Variants in CCDC144A observed in about 807,000 individuals in gnomAD.
CCDC144A encodes the protein coiled-coil domain-containing protein 144A.
A neutral mutation model predicts 143.8 loss-of-function variants in CCDC144A; 41 were observed. The observed-to-expected ratio is 0.29, with a 90% CI of 0.22 to 0.37. The LOEUF is 0.37. Ranked by LOEUF, CCDC144A falls within the 10% of genes least tolerant of loss-of-function variation. The probability of loss-of-function intolerance (pLI) is 1.00; values close to 1 mark genes in which losing one functional copy is unlikely to be tolerated. For missense variants in CCDC144A, 637 were observed against 1,488.8 expected, an observed-to-expected ratio of 0.43 and a Z score of 9.41; for synonymous variants, 242 against 517.9, an observed-to-expected ratio of 0.47 and a Z score of 7.23.
rs564800936 is a variant in CCDC144A, at chr17:16,768,074, G to C, written c.4098+3899G>C. On this transcript the variant is annotated intron_variant, in intron 15 of 16. Transcript: ENST00000399273. ...TTCTAAGCTATATATCTACATGTAA[G>C]TGTGCATTCGTCTATAGACATAAGT... Among the ~76,000 whole-genome samples the C allele has an allele frequency of 7.6e-4, 116 of 152,382 alleles. 1 individual carries two copies. Among genetic ancestry groups the C allele is most frequent in the African/African-American group, 2.7e-3 (112 of 41,584 alleles).
intron 15 of CCDC144A, among the ~76,000 whole-genome samples, chr17:16,769,445 G>T (rs1188499176): frequency 2.0e-5 from 3 of 152,258 alleles, no homozygotes; most frequent in Non-Finnish European, 2.9e-5. Flanking sequence ...TTGGACAGGC[G>T]TATGGTAGAT....
intron 15 of CCDC144A, among the ~76,000 whole-genome samples, chr17:16,768,842 A>G (rs905237872): frequency 3.3e-5 from 5 of 151,396 alleles, no homozygotes; most frequent in Admixed American, 2.0e-4. Context: ...GTAGTTGTGA[A>G]GAATGTATGG....
the CCDC144A span, among the ~76,000 whole-genome samples, chr17:16,678,848 G>A: frequency 1.4e-5 from 2 of 148,012 alleles, no homozygotes; most frequent in African/African-American, 5.0e-5. Context: ...TCTGCCTTCC[G>A]GGTTCAAGCA....
chr17:16,737,458 G>A (rs1567600729), intron 12 of CCDC144A: 11 of 1,262,578 alleles, frequency 8.7e-6, no homozygotes, highest in Non-Finnish European at 1.1e-5. Flanking sequence ...GAGCCACCGC[G>A]CCCGGCCAGA....
intron 12 of CCDC144A, among the ~76,000 whole-genome samples, chr17:16,739,358 C>T (rs1244440457): frequency 3.0e-5 from 4 of 134,606 alleles, no homozygotes; most frequent in Non-Finnish European, 4.7e-5. Context: ...CCTCCCACCT[C>T]GGCCTCCCAA....
At chr17:16,729,629 C>T (rs1913619744) in intron 9 of CCDC144A, among the ~76,000 whole-genome samples, 1 of 151,786 alleles carries the variant, frequency 6.6e-6, no homozygotes, top group Admixed American at 6.6e-5. Context: ...GATCTCGGCT[C>T]ATGGCTACCT....
At chr17:16,773,476 A>G in intron 16 of CCDC144A, 21 bp from the exon 17 acceptor site, 3 of 1,536,852 alleles carry the variant, frequency 2.0e-6, no homozygotes, top group Non-Finnish European at 2.6e-6. Context: ...ATAATAATAT[A>G]ATTCTTGCTT....
At chr17:16,686,747 AACAC>A (rs142329474), upstream of CCDC144A, among the ~76,000 whole-genome samples, 17,182 of 140,352 alleles carry the variant, frequency 0.12, 1,083 homozygotes, top group South Asian at 0.24. Flanking sequence ...CACACACACA[AACAC>A]ACACACACAC....
chr17:16,751,828 G>GT (rs1212836229), intron 12 of CCDC144A, among the ~76,000 whole-genome samples: 1 of 152,262 alleles, frequency 6.6e-6, no homozygotes, highest in Non-Finnish European at 1.5e-5. Flanking sequence ...GCAGCCCAGG[G>GT]TTTTTTGCCC....
chr17:16,726,400 G>GAA (rs1242106841), intron 8 of CCDC144A, among the ~76,000 whole-genome samples: 5 of 141,360 alleles, frequency 3.5e-5, no homozygotes, highest in African/African-American at 1.2e-4. Flanking sequence ...AAAAAAGAGA[G>GAA]ATAAAAAAAA....
At chr17:16,699,469 G>A (rs1439855943) in intron 2 of CCDC144A, among the ~76,000 whole-genome samples, 11 of 117,186 alleles carry the variant, frequency 9.4e-5, no homozygotes, top group South Asian at 6.2e-4. Flanking sequence ...TCCGCCTCCC[G>A]GGTTCACACC....
intron 16 of CCDC144A, chr17:16,772,824 A>C (rs1418365495): frequency 8.0e-7 from 1 of 1,244,294 alleles, no homozygotes; most frequent in Non-Finnish European, 1.1e-6. Context: ...GGTATCTATG[A>C]CTTGGTATGG....
chr17:16,686,175 G>C (rs1910776558), upstream of CCDC144A, among the ~76,000 whole-genome samples: 1 of 149,182 alleles, frequency 6.7e-6, no homozygotes, highest in African/African-American at 2.5e-5. Context: ...AGCTCACTCA[G>C]GGGTGAGCCA....
intron 12 of CCDC144A, among the ~76,000 whole-genome samples, chr17:16,747,219 G>T (rs60945022): frequency 0.18 from 26,836 of 151,550 alleles, 3,743 homozygotes; most frequent in African/African-American, 0.39. Flanking sequence ...ATGGTTGTAG[G>T]CATGTGGCTT....
chr17:16,683,524 TGAG>T, the CCDC144A span: 1 of 1,528,480 alleles, frequency 6.5e-7, no homozygotes, highest in Non-Finnish European at 9.1e-7. Context: ...TTCTATGCCG[TGAG>T]GAGGGGCGGC....
the CCDC144A span, among the ~76,000 whole-genome samples, chr17:16,675,618 CTA>C: frequency 6.6e-6 from 1 of 151,928 alleles, no homozygotes; most frequent in South Asian, 2.1e-4. Context: ...AGAAAGAAAA[CTA>C]TTAATAATTG....
intron 6 of CCDC144A, 38 bp downstream of exon 6, chr17:16,711,853 C>G (rs1389337752): frequency 6.4e-7 from 1 of 1,574,598 alleles, no homozygotes; most frequent in Non-Finnish European, 8.6e-7. Flanking sequence ...GACAATTGGT[C>G]AAGCGTGGTG....
chr17:16,720,138 A>G (rs1386081226), intron 6 of CCDC144A, 60 bp from the exon 7 acceptor site: 2 of 1,481,106 alleles, frequency 1.4e-6, no homozygotes, highest in Non-Finnish European at 1.8e-6. Flanking sequence ...GTAGTGTTAG[A>G]TATTCTTTGT....
At chr17:16,693,498 G>T (rs1597526873) in intron 2 of CCDC144A, among the ~76,000 whole-genome samples, 1 of 151,972 alleles carries the variant, frequency 6.6e-6, no homozygotes, top group South Asian at 2.1e-4. Flanking sequence ...TGTATTTTTA[G>T]TAGAGATGGG....
Sources: gnomAD v4.1 joint callset for allele counts (sites outside exome capture counted in the v4.1 genomes callset) on GRCh38, gnomAD v4.1.1 for gene constraint, MANE v1.5 for transcripts, NCBI Gene and HGNC (gene_info 2026-07-23, HGNC 2026-07-21) for gene names.